Variants in AGAP1 observed in about 807,000 individuals in gnomAD.
AGAP1 encodes arf-GAP with GTPase, ANK repeat and PH domain-containing protein 1.
AGAP1 carries 29 observed loss-of-function variants against 105.3 expected under a neutral mutation model. The ratio of observed to expected loss-of-function variants is 0.28; its 90% confidence interval spans 0.21 to 0.38. The LOEUF is 0.38. AGAP1 is among the 10% of genes least tolerant of loss of function. The pLI is 1.00. For missense variants in AGAP1, 998 were observed against 1,165.1 expected (o/e 0.86, Z 2.09); for synonymous variants, 509 against 485.9 (o/e 1.05, Z -0.63).
At position 235,747,660 on chromosome 2, in the gene AGAP1, G is replaced by C. The variant is rs973456083; in HGVS notation, c.539-2694G>C. ...AAGCCTGATGGCAGGAAGCTGGCAT[G>C]CACGTGGGCTCTGAGGGTCCCTGCC... On this transcript the variant is annotated intron_variant, in intron 5 of 17. Coordinates refer to ENST00000304032, the MANE Select transcript of AGAP1 (RefSeq NM_001037131.3). This position sits in a 1 kb window ranked among gnomAD's most constrained non-coding sequence, Gnocchi z 5.0. Among the ~76,000 whole-genome samples the C allele has an allele frequency of 5.9e-5, 9 of 152,250 alleles. No individual in the cohort carries two copies. The highest frequency in any genetic ancestry group is 2.2e-4 in the African/African-American group (9 of 41,476).
At chr2:236,122,739 G>A (rs1406273867) in intron 17 of AGAP1, among the ~76,000 whole-genome samples, 1 of 144,412 alleles carries the variant, frequency 6.9e-6, no homozygotes, top group Non-Finnish European at 1.5e-5. Context: ...CTGGAGTGCA[G>A]TGGCACGATC....
chr2:235,968,702 A>G (rs2054514187), intron 13 of AGAP1, 79 bp downstream of exon 13: 2 of 1,425,114 alleles, frequency 1.4e-6, no homozygotes, highest in East Asian at 4.7e-5. Flanking sequence ...GTGAAATTAG[A>G]CACCCTTAGC....
In AGAP1 at chr2:235,855,315, G is replaced by A. The variant is rs928953659; in HGVS notation, c.1051-28030G>A. Among the ~76,000 whole-genome samples the A allele has an allele frequency of 2.6e-5, 4 of 152,186 alleles. No homozygotes were observed. Among genetic ancestry groups the A allele is most frequent in the East Asian group, 1.9e-4 (1 of 5,196 alleles). On this transcript the variant is annotated intron_variant, in intron 9 of 17. Coordinates refer to ENST00000304032, the MANE Select transcript of AGAP1 (RefSeq NM_001037131.3). This position sits in a 1 kb window ranked among gnomAD's most constrained non-coding sequence, Gnocchi z 5.0. Reference sequence around the variant, plus strand: ...TTTGATTTTCCAGGGAGTGAGTAGTGTGACAGGCATGTCAAAATTAATCAT... The same window carrying A: ...TTTGATTTTCCAGGGAGTGAGTAGTATGACAGGCATGTCAAAATTAATCAT...
intron 9 of AGAP1, among the ~76,000 whole-genome samples, chr2:235,829,174 C>T (rs563462668): frequency 2.6e-5 from 4 of 152,254 alleles, no homozygotes; most frequent in Non-Finnish European, 4.4e-5. Context: ...CCTGGCTGAC[C>T]TTGGACTTGC....
In AGAP1 at chr2:235,947,279, G is replaced by A. The variant is rs2053542917; in HGVS notation, c.1483+16356G>A. On this transcript the variant is annotated intron_variant, in intron 12 of 17. Coordinates refer to ENST00000304032, the MANE Select transcript of AGAP1 (RefSeq NM_001037131.3). ...TCCATTGTATCACTCTTACGCCTTT[G>A]CATCCTCATAGCTTAGCTCCCACTT... 1.3e-5 allele frequency among the ~76,000 whole-genome samples: 2 copies of A among 152,018 alleles called. 1 individual carries two copies. The highest frequency in any genetic ancestry group is 4.1e-4 in the South Asian group (2 of 4,828).
intron 1 of AGAP1, among the ~76,000 whole-genome samples, chr2:235,590,760 G>A (rs1378148555): frequency 8.7e-5 from 10 of 114,482 alleles, no homozygotes; most frequent in Middle Eastern, 6.0e-3. Flanking sequence ...TTGCTCTGTC[G>A]CCCAGGCTGG....
intron 9 of AGAP1, among the ~76,000 whole-genome samples, chr2:235,835,386 A>C (rs570254036): frequency 6.6e-6 from 1 of 152,282 alleles, no homozygotes; most frequent in South Asian, 2.1e-4. Flanking sequence ...GTGCTGCCAC[A>C]CCTGGCAGAG....
At position 236,002,869 on chromosome 2, in the gene AGAP1, C is replaced by A. The variant is rs908023976; in HGVS notation, c.1646-33692C>A. 6.6e-6 allele frequency among the ~76,000 whole-genome samples: 1 copy of A among 151,674 alleles called. No individual in the cohort carries two copies. Among genetic ancestry groups the A allele is most frequent in the Admixed American group, 6.6e-5 (1 of 15,242 alleles). ...AGTTAAGTGTGATTTGAAAAATGAC[C>A]AAGTCTCCTAAGGTGAAGTTTGTGT... On this transcript the variant is annotated intron_variant, in intron 13 of 17. Coordinates refer to ENST00000304032, the MANE Select transcript of AGAP1 (RefSeq NM_001037131.3). The surrounding 1 kb of genome is among the most constrained non-coding windows in gnomAD (Gnocchi z 4.3).
intron 4 of AGAP1, among the ~76,000 whole-genome samples, chr2:235,742,535 G>A (rs565571347): frequency 6.6e-6 from 1 of 152,320 alleles, no homozygotes; most frequent in Non-Finnish European, 1.5e-5. Context: ...TTGAGCCCAT[G>A]TTCAGTGACC....
rs1285848004 is a variant in AGAP1 at position 235,801,857 on chromosome 2, T to G, written c.957+2335T>G. ...CACATTTTCTGCTTGTTGACTTTGCTTTCTCTTTTAAGGAGAGAAATTTTA... is the reference window on the plus strand; with the variant it reads ...CACATTTTCTGCTTGTTGACTTTGCGTTCTCTTTTAAGGAGAGAAATTTTA... On this transcript the variant is annotated intron_variant, in intron 8 of 17. Transcript: ENST00000304032. The surrounding 1 kb of genome is among the most constrained non-coding windows in gnomAD (Gnocchi z 6.0). Among the ~76,000 whole-genome samples, 2 of 152,074 alleles carry G rather than the reference T, an allele frequency of 1.3e-5. No individual in the cohort carries two copies. Among genetic ancestry groups the G allele is most frequent in the African/African-American group, 4.8e-5 (2 of 41,390 alleles).
At position 235,620,528 on chromosome 2, in the gene AGAP1, C is replaced by T. The variant is rs1559294281; in HGVS notation, c.164-88651C>T. 6.6e-6 allele frequency among the ~76,000 whole-genome samples: 1 copy of T among 152,136 alleles called. No homozygotes were observed. The highest frequency in any genetic ancestry group is 1.5e-5 in the Non-Finnish European group (1 of 68,016). On this transcript the variant is annotated intron_variant, in intron 1 of 17. Transcript: ENST00000304032. The surrounding 1 kb of genome is among the most constrained non-coding windows in gnomAD (Gnocchi z 4.5). ...TTTTTGGAAAACCTTCCTGGGGGCC[C>T]TTGCAGCTTGGCCCTCGCATCCTTC...
rs372600836 is a variant in AGAP1 at position 235,812,442 on chromosome 2, C to T, written c.1050+5111C>T. On this transcript the variant is annotated intron_variant, in intron 9 of 17. Transcript: ENST00000304032. ...TGAAAGGAACCTCTGGAGTTAATCC[C>T]CTCGTCCAGCCTGCCGCAGGCCACC... Among the ~76,000 whole-genome samples the T allele has an allele frequency of 1.9e-4, 29 of 152,304 alleles. 1 individual carries two copies. In the South Asian group the frequency reaches 5.6e-3, roughly 29 times the overall value.
chr2:235,692,049 C>T lies in AGAP1; in HGVS notation c.164-17130C>T, dbSNP rs943067891. ...GTTAACAAAGACTATAAAGTTTTCT[C>T]AAGAGGATGTAAACCAAGTAAACAA... On this transcript the variant is annotated intron_variant, in intron 1 of 17. Transcript: ENST00000304032. The surrounding 1 kb of genome is among the most constrained non-coding windows in gnomAD (Gnocchi z 5.8). Among the ~76,000 whole-genome samples the T allele has an allele frequency of 4.6e-5, 7 of 152,178 alleles. No homozygotes were observed. The highest frequency in any genetic ancestry group is 6.5e-5 in the Admixed American group (1 of 15,280).
intron 6 of AGAP1, among the ~76,000 whole-genome samples, chr2:235,765,846 G>A (rs1358613035): frequency 2.0e-5 from 3 of 152,108 alleles, no homozygotes; most frequent in Admixed American, 6.5e-5. Context: ...TCCCATGCCC[G>A]CACCAAGATT....
At chr2:235,837,300 T>C (rs1428203353) in intron 9 of AGAP1, among the ~76,000 whole-genome samples, 1 of 152,152 alleles carries the variant, frequency 6.6e-6, no homozygotes, top group Admixed American at 6.5e-5. Context: ...GGGTTTTTTT[T>C]TGAAAGGTTT....
At position 235,589,189 on chromosome 2, in the gene AGAP1, G is replaced by GTTTTTTT. The variant is rs1205771315; in HGVS notation, c.163+94344_163+94345insTTTTTTT. On this transcript the variant is annotated intron_variant, in intron 1 of 17. Coordinates refer to ENST00000304032, the MANE Select transcript of AGAP1 (RefSeq NM_001037131.3). Reference sequence around the variant, plus strand: ...GAGAACTACCAGTTAATAGCTTATTGTTTTGTTTTTTTTTTTTTTTTTTTT... The same window carrying GTTTTTTT: ...GAGAACTACCAGTTAATAGCTTATTGTTTTTTTTTTTGTTTTTTTTTTTTTTTTTTTT... Among the ~76,000 whole-genome samples, 97 of 54,912 alleles carry GTTTTTTT rather than the reference G, an allele frequency of 1.8e-3. 18 individuals are homozygous for GTTTTTTT. Among genetic ancestry groups the GTTTTTTT allele is most frequent in the Non-Finnish European group, 2.6e-3 (61 of 23,230 alleles). The allele number at this position is 54,912 out of a possible 152,430, so 36.0% of individuals were successfully genotyped here. A position where few individuals can be genotyped will look rare whatever the true frequency, so the allele number is the denominator to read the frequency against.
chr2:235,528,976 A>T (rs1942950587), intron 1 of AGAP1, among the ~76,000 whole-genome samples: 1 of 152,166 alleles, frequency 6.6e-6, no homozygotes, highest in African/African-American at 2.4e-5. Context: ...GCGCCCAGCC[A>T]GTGGGGTTAA....
At chr2:235,817,984 G>T (rs568726913) in intron 9 of AGAP1, among the ~76,000 whole-genome samples, 1 of 152,238 alleles carries the variant, frequency 6.6e-6, no homozygotes, top group Admixed American at 6.5e-5. Context: ...TTGCAGACTG[G>T]TGAAAACAGA....
chr2:235,672,377 A>G (rs1348225461), intron 1 of AGAP1, among the ~76,000 whole-genome samples: 3 of 152,258 alleles, frequency 2.0e-5, no homozygotes, highest in African/African-American at 4.8e-5. Flanking sequence ...ATGTGCGGTA[A>G]TGTTAAAATC....
Sources: gnomAD v4.1 joint callset for allele counts (sites outside exome capture counted in the v4.1 genomes callset) on GRCh38, gnomAD v4.1.1 for gene constraint, Gnocchi (gnomAD v3.1) non-coding constraint, MANE v1.5 for transcripts, NCBI Gene and HGNC (gene_info 2026-07-23, HGNC 2026-07-21) for gene names.